Variants in FNDC3B observed in about 807,000 individuals in gnomAD.
FNDC3B encodes fibronectin type III domain containing 3B.
Under a neutral mutation model 151.5 loss-of-function variants are expected in FNDC3B, and 12 were observed. The observed-to-expected ratio is 0.08, with a 90% CI of 0.05 to 0.13. The LOEUF (loss-of-function observed/expected upper bound fraction) is 0.13. FNDC3B is among the 10% of genes least tolerant of loss of function. FNDC3B has a pLI of 1.00. For synonymous variants in FNDC3B, 528 were observed against 549.0 expected (o/e 0.96, Z 0.54); for missense variants, 1,214 against 1,505.3 (o/e 0.81, Z 3.20).
At chr3:172,232,173 A>G (rs891284507) in intron 4 of FNDC3B, among the ~76,000 whole-genome samples, 1 of 151,858 alleles carries the variant, frequency 6.6e-6, no homozygotes, top group African/African-American at 2.4e-5. Context: ...GAGCCACCAC[A>G]CCCTGCCAGT....
chr3:172,309,056 G>A (rs1243149965), intron 10 of FNDC3B, among the ~76,000 whole-genome samples: 1 of 152,180 alleles, frequency 6.6e-6, no homozygotes, highest in Non-Finnish European at 1.5e-5. Flanking sequence ...TTTCTTATTA[G>A]GAGGAAAACG....
intron 3 of FNDC3B, among the ~76,000 whole-genome samples, chr3:172,177,521 A>T (rs1354323762): frequency 6.6e-6 from 1 of 151,532 alleles, no homozygotes. Flanking sequence ...GGAGATAGAG[A>T]TGGAAAGATT....
chr3:172,056,445 A>G (rs992150971), intron 1 of FNDC3B, among the ~76,000 whole-genome samples: 5 of 152,298 alleles, frequency 3.3e-5, no homozygotes, highest in South Asian at 2.1e-4. Flanking sequence ...GCCGGTTACA[A>G]TGTACAGTTT....
At chr3:172,391,570 T>G (rs1251613298) in intron 25 of FNDC3B, among the ~76,000 whole-genome samples, 1 of 152,214 alleles carries the variant, frequency 6.6e-6, no homozygotes, top group Admixed American at 6.5e-5. Context: ...ACTACATTAT[T>G]TGACCCTTTG....
At chr3:172,276,410 T>A (rs1045226813) in intron 6 of FNDC3B, among the ~76,000 whole-genome samples, 6 of 151,926 alleles carry the variant, frequency 3.9e-5, no homozygotes, top group Non-Finnish European at 7.4e-5. Context: ...ACACATTGAA[T>A]TAAAATAAAA....
intron 3 of FNDC3B, among the ~76,000 whole-genome samples, chr3:172,171,165 C>T (rs565284171): frequency 6.6e-6 from 1 of 152,220 alleles, no homozygotes; most frequent in African/African-American, 2.4e-5. Context: ...GAAGTTGCTC[C>T]TTTATTTAGA....
At chr3:172,261,982 A>C (rs1253230436) in intron 6 of FNDC3B, among the ~76,000 whole-genome samples, 1 of 152,224 alleles carries the variant, frequency 6.6e-6, no homozygotes, top group African/African-American at 2.4e-5. Flanking sequence ...TGCTCCAAGC[A>C]TAAAAGAGAA....
chr3:172,042,275 G>C (rs1408665859), intron 1 of FNDC3B, among the ~76,000 whole-genome samples: 5 of 152,190 alleles, frequency 3.3e-5, no homozygotes, highest in East Asian at 3.8e-4. Context: ...AGTCTTCTGC[G>C]GTTTCTTGAA....
intron 11 of FNDC3B, among the ~76,000 whole-genome samples, chr3:172,325,438 A>G (rs185509054): frequency 6.6e-6 from 1 of 152,328 alleles, no homozygotes; most frequent in East Asian, 1.9e-4. Flanking sequence ...AACAATGATA[A>G]ACATTCACTT....
chr3:172,343,437 A>G (rs1243547374), intron 18 of FNDC3B, among the ~76,000 whole-genome samples: 1 of 152,208 alleles, frequency 6.6e-6, no homozygotes, highest in Non-Finnish European at 1.5e-5. Flanking sequence ...TTTCAACTTT[A>G]TTCATGGGAA....
At chr3:172,110,851 T>C (rs1719924486) in intron 1 of FNDC3B, among the ~76,000 whole-genome samples, 1 of 152,120 alleles carries the variant, frequency 6.6e-6, no homozygotes, top group African/African-American at 2.4e-5. Context: ...CTTAGCACTT[T>C]GGGAGGCCGA....
chr3:172,328,988 G>T lies in FNDC3B; in HGVS notation c.1291G>T (p.Gly431Trp). 6.2e-7 allele frequency: 1 copy of T among 1,612,808 alleles called. No homozygotes were observed. Among genetic ancestry groups the T allele is most frequent in the Non-Finnish European group, 8.5e-7 (1 of 1,179,256 alleles). Residue 431 changes from glycine to tryptophan, a missense_variant, in exon 12 of 26, where the codon GGG becomes TGG. Gly to Trp is a radical substitution (Grantham distance 184). This residue lies in a region of FNDC3B where 156 missense variants were observed against 225.3 expected (regional missense o/e 0.69). Transcript: ENST00000415807. The part of the protein sequence containing the change: ...RNSGFRQCFF[G>W]SQKHCKLTKL... ...TAGTGGTTTCAGACAGTGCTTCTTC[G>T]GGAGCCAGAAGCACTGCAAGTTGAC...
chr3:172,291,990 T>A (rs193012197), intron 7 of FNDC3B, among the ~76,000 whole-genome samples: 2 of 152,334 alleles, frequency 1.3e-5, no homozygotes, highest in East Asian at 3.9e-4. Flanking sequence ...GGAGTAAATA[T>A]GTCTAGTGCT....
intron 24 of FNDC3B, among the ~76,000 whole-genome samples, chr3:172,379,813 AGTGATTCTTG>A (rs998894976): frequency 1.4e-4 from 21 of 152,068 alleles, no homozygotes; most frequent in African/African-American, 5.1e-4. Context: ...TGCCTCTCAA[AGTGATTCTTG>A]GTGGGGATTC....
intron 7 of FNDC3B, among the ~76,000 whole-genome samples, chr3:172,293,913 A>G (rs1270982556): frequency 6.6e-6 from 1 of 152,214 alleles, no homozygotes; most frequent in Non-Finnish European, 1.5e-5. Flanking sequence ...AAGAAGGAAA[A>G]AAAGGGACTG....
intron 4 of FNDC3B, among the ~76,000 whole-genome samples, chr3:172,244,657 G>A (rs900414185): frequency 2.0e-4 from 22 of 112,806 alleles, no homozygotes; most frequent in Admixed American, 1.1e-3. Flanking sequence ...CGGCGTCTCC[G>A]TCTGTCACCC....
At chr3:172,215,628 G>A (rs1725940516) in intron 3 of FNDC3B, among the ~76,000 whole-genome samples, 1 of 152,172 alleles carries the variant, frequency 6.6e-6, no homozygotes, top group Non-Finnish European at 1.5e-5. Flanking sequence ...GGAGGCTGAG[G>A]CAGGAGAATT....
intron 16 of FNDC3B, among the ~76,000 whole-genome samples, chr3:172,339,206 T>G (rs1733156856): frequency 2.0e-5 from 3 of 152,098 alleles, no homozygotes; most frequent in South Asian, 4.1e-4. Context: ...GCTGAAAACA[T>G]GAGAATTCTT....
chr3:172,343,937 C>CT (rs1560090574), intron 18 of FNDC3B, 149 bp from the exon 19 acceptor site: 1 of 657,178 alleles, frequency 1.5e-6, no homozygotes, highest in Non-Finnish European at 2.6e-6. Flanking sequence ...TTTTATATCT[C>CT]TTTTTTGGTG....
Sources: allele counts gnomAD v4.1 joint callset (sites outside exome capture counted in the v4.1 genomes callset), GRCh38; gene constraint gnomAD v4.1.1; regional missense constraint gnomAD v4.1.1; transcripts MANE v1.5; gene names NCBI Gene and HGNC (gene_info 2026-07-23, HGNC 2026-07-21).